The following CIZ1 variants were observed in gnomAD, a reference collection of about 807,000 sequenced individuals.
The protein encoded by CIZ1 is cip1-interacting zinc finger protein.
CIZ1 carries 58 observed loss-of-function variants against 118.6 expected under a neutral mutation model. That is an observed-to-expected ratio of 0.49 (90% confidence interval 0.40 to 0.61). The LOEUF is 0.61. CIZ1 is among the 20% of genes least tolerant of loss of function. CIZ1 has a pLI of 0.00. For synonymous variants in CIZ1, 448 were observed against 443.4 expected (o/e 1.01, Z -0.13); for missense variants, 921 against 1,115.9 (o/e 0.83, Z 2.49).
intron 11 of CIZ1, among the ~76,000 whole-genome samples, chr9:128,172,831 G>A (rs1023259036): frequency 9.2e-5 from 14 of 152,002 alleles, no homozygotes; most frequent in Admixed American, 3.9e-4. Flanking sequence ...TATATAATGA[G>A]CGAATTATTT....
Position 128,176,395 on chromosome 9 carries a change from C to T in CIZ1, c.1899G>A (p.Leu633=), listed in dbSNP as rs1337660649. The T allele has an allele frequency of 6.2e-7, 1 of 1,614,102 alleles. No individual in the cohort carries two copies. The highest frequency in any genetic ancestry group is 1.3e-5 in the African/African-American group (1 of 75,058). ...CGTCCCGGGGCACGGGCAGCAGGGA[C>T]AGGAGGCAGGCTTGGCTCATGTGCT... ...EIQHMSQACL[L]SLLPVPRDVL... The change falls in exon 11 of 17, where the codon CTG becomes CTA. Residue 633 remains leucine, a synonymous_variant. Transcript: ENST00000372938.
intron 11 of CIZ1, among the ~76,000 whole-genome samples, chr9:128,172,099 G>A (rs1588132495): frequency 8.1e-6 from 1 of 123,520 alleles, no homozygotes; most frequent in Middle Eastern, 5.7e-3. Context: ...ATTGAGCTGT[G>A]ATCACACCAC....
intron 7 of CIZ1, 55 bp from the exon 8 acceptor site, chr9:128,179,470 T>C (rs778929808): frequency 4.3e-5 from 65 of 1,503,858 alleles, no homozygotes; most frequent in Non-Finnish European, 5.4e-5. Context: ...CCCCAGGGGC[T>C]CCCAAGTAAG....
rs779779821 is a variant in CIZ1, at chr9:128,176,337, G to A, written c.1943+14C>T. ...CTACCCCCCAACACAGAGCTTCCAC[G>A]ATCCCCCACTCACTCATCCTCTGTC... On this transcript the variant is annotated intron_variant, in intron 11 of 16. Transcript: ENST00000372938. 41 of 1,612,756 alleles carry A rather than the reference G, an allele frequency of 2.5e-5. No individual in the cohort carries two copies. In the Admixed American group the frequency reaches 4.8e-4, roughly 19 times the overall value.
At chr9:128,180,068 C>T (rs1282662504) in intron 7 of CIZ1, among the ~76,000 whole-genome samples, 6 of 152,120 alleles carry the variant, frequency 3.9e-5, no homozygotes, top group African/African-American at 1.4e-4. Context: ...CTAAATAAAC[C>T]GGGGAGGATC....
In CIZ1 at chr9:128,190,312, C is replaced by T. The variant is rs1483618445; in HGVS notation, c.286+17G>A. On this transcript the variant is annotated intron_variant, in intron 3 of 16. Coordinates refer to ENST00000372938, the MANE Select transcript of CIZ1 (RefSeq NM_001131016.2). Reference sequence around the variant, plus strand: ...ACCACTAAAAGAGACTGAGAAGAGGCCTGGGGCCATCCATACCTTGCAACT... The same window carrying T: ...ACCACTAAAAGAGACTGAGAAGAGGTCTGGGGCCATCCATACCTTGCAACT... The T allele has an allele frequency of 7.0e-6, 11 of 1,572,184 alleles. No individual in the cohort carries two copies. The highest frequency in any genetic ancestry group is 9.6e-6 in the Non-Finnish European group (11 of 1,143,536).
At chr9:128,168,951 C>G (rs1178180760) in intron 14 of CIZ1, 101 bp downstream of exon 14, 1 of 1,548,666 alleles carries the variant, frequency 6.5e-7, no homozygotes, top group Non-Finnish European at 8.8e-7. Flanking sequence ...TTAGTGCCCA[C>G]AGATGCCAGC....
In CIZ1 at chr9:128,200,430, C is replaced by T. The variant is rs547341333; in HGVS notation, c.-6+3756G>A. 7.2e-5 allele frequency among the ~76,000 whole-genome samples: 11 copies of T among 151,790 alleles called. No individual in the cohort carries two copies. In the South Asian group the frequency reaches 1.2e-3, roughly 17 times the overall value. On this transcript the variant is annotated intron_variant, in intron 1 of 17. Coordinates refer to the CIZ1 transcript ENST00000372948. Reference sequence around the variant, plus strand: ...ATCCCAGCATTTTGGGAGGCTGAGGCGGACAGATCATGAGGTCAGGAGTTT... The same window carrying T: ...ATCCCAGCATTTTGGGAGGCTGAGGTGGACAGATCATGAGGTCAGGAGTTT...
At chr9:128,175,431 AAC>A (rs567596070) in intron 11 of CIZ1, among the ~76,000 whole-genome samples, 73 of 152,318 alleles carry the variant, frequency 4.8e-4, no homozygotes, top group Non-Finnish European at 1.0e-3. Context: ...AGAAACAGCT[AAC>A]AGAGACACAG....
chr9:128,168,023 A>C (rs921058436), intron 14 of CIZ1, among the ~76,000 whole-genome samples: 50 of 151,836 alleles, frequency 3.3e-4, no homozygotes, highest in Non-Finnish European at 5.6e-4. Flanking sequence ...AGGCCCCCCC[A>C]CCACAACGCT....
intron 14 of CIZ1, 92 bp from the exon 15 acceptor site, chr9:128,167,256 G>A: frequency 1.1e-6 from 1 of 918,246 alleles, no homozygotes; most frequent in Non-Finnish European, 1.6e-6. Flanking sequence ...AATGCCCTTG[G>A]ACACACAGAA....
intron 1 of CIZ1, among the ~76,000 whole-genome samples, chr9:128,199,622 T>C (rs538570369): frequency 7.2e-5 from 11 of 152,198 alleles, no homozygotes; most frequent in Middle Eastern, 6.8e-3. Context: ...GGAAGCCTAC[T>C]TGAGCCCAGG....
At position 128,169,184 on chromosome 9, in the gene CIZ1, T is replaced by A. The variant is rs1197712480; in HGVS notation, c.2163A>T (p.Lys721Asn). The change falls in exon 14 of 17, where the codon AAA (lysine) becomes AAT (asparagine). Residue 721 changes from lysine (K) to asparagine (N), a missense_variant. Lys to Asn is a moderately conservative substitution (Grantham distance 94). Transcript: ENST00000372938. ...DKAKELKSLE[K>N]EIAGQDEDHF... ...GGTCCTCATCTTGGCCAGCAATTTC[T>A]TTCTCAAGCGACTTCAGCTGCCCAG... 1 of 1,614,210 alleles carries A rather than the reference T, an allele frequency of 6.2e-7. No individual in the cohort carries two copies. Among genetic ancestry groups the A allele is most frequent in the Non-Finnish European group, 8.5e-7 (1 of 1,180,036 alleles).
At chr9:128,181,884 G>A (rs545766063) in intron 5 of CIZ1, among the ~76,000 whole-genome samples, 3 of 152,168 alleles carry the variant, frequency 2.0e-5, no homozygotes, top group East Asian at 3.9e-4. Context: ...AGGCCTAACC[G>A]TCTCCCTGTG....
At chr9:128,174,411 C>T (rs1379153745) in intron 11 of CIZ1, among the ~76,000 whole-genome samples, 1 of 152,202 alleles carries the variant, frequency 6.6e-6, no homozygotes, top group East Asian at 1.9e-4. Context: ...CTGGTGCCCA[C>T]TGTAGTGAGA....
At chr9:128,199,052 A>G (rs1348170118) in intron 1 of CIZ1, among the ~76,000 whole-genome samples, 1 of 151,718 alleles carries the variant, frequency 6.6e-6, no homozygotes, top group Non-Finnish European at 1.5e-5. Flanking sequence ...CAGTTTTCTC[A>G]TCTGTCAAAG....
chr9:128,168,554 T>G (rs939686176), intron 14 of CIZ1, among the ~76,000 whole-genome samples: 23 of 146,910 alleles, frequency 1.6e-4, no homozygotes, highest in Non-Finnish European at 3.1e-4. Context: ...CTGCAACGAA[T>G]CCAAGCTCCT....
intron 5 of CIZ1, among the ~76,000 whole-genome samples, chr9:128,183,732 GT>G (rs1484459071): frequency 6.6e-6 from 1 of 150,550 alleles, no homozygotes; most frequent in Non-Finnish European, 1.5e-5. Context: ...TTCTACCCTA[GT>G]TATGTTTCCT....
chr9:128,169,191 A>G lies in CIZ1; in HGVS notation c.2156T>C (p.Leu719Pro). Residue 719 changes from leucine to proline, a missense_variant, in exon 14 of 17, where the codon CTT becomes CCT. Leu to Pro is a moderately conservative substitution (Grantham distance 98). Transcript: ENST00000372938. ...ATCTTGGCCAGCAATTTCTTTCTCA[A>G]GCGACTTCAGCTGCCCAGGGAGTAG... ...HKDKAKELKS[L>P]EKEIAGQDED... 6.8e-6 allele frequency: 11 copies of G among 1,614,064 alleles called. No individual in the cohort carries two copies. The highest frequency in any genetic ancestry group is 9.3e-6 in the Non-Finnish European group (11 of 1,180,004).
Sources: gnomAD v4.1 joint callset for allele counts (sites outside exome capture counted in the v4.1 genomes callset) on GRCh38, gnomAD v4.1.1 for gene constraint, MANE v1.5 for transcripts, NCBI Gene and HGNC (gene_info 2026-07-23, HGNC 2026-07-21) for gene names.